SBK1: variants seen among roughly 807,000 people sequenced by gnomAD.
The protein encoded by SBK1 is serine/threonine-protein kinase SBK1.
SBK1 carries 11 observed loss-of-function variants against 24.4 expected under a neutral mutation model. The observed-to-expected ratio is 0.45, with a 90% CI of 0.28 to 0.75. SBK1 has a LOEUF of 0.75. Among genes scored for constraint, SBK1 ranks in the 30% least tolerant of loss-of-function variants. The pLI is 0.12. For synonymous variants in SBK1, 308 were observed against 284.4 expected (o/e 1.08, Z -0.83); for missense variants, 467 against 620.5 (o/e 0.75, Z 2.63).
chr16:28,322,884 C>CTCTA lies in SBK1; in HGVS notation c.*1963_*1964insTCTA, dbSNP rs1567682801. On this transcript the variant is annotated 3_prime_UTR_variant, in exon 4 of 4. Coordinates refer to ENST00000341901, the MANE Select transcript of SBK1 (RefSeq NM_001024401.3). ...CTAGGAATCGAGATTCCACAGTAGACGTCCCTTGCCGTGCTCGCTCTCTCT... is the reference window on the plus strand; with the variant it reads ...CTAGGAATCGAGATTCCACAGTAGACTCTAGTCCCTTGCCGTGCTCGCTCTCTCT... 1 of 148,314 alleles carries CTCTA rather than the reference C, an allele frequency of 6.7e-6. No individual in the cohort carries two copies. The highest frequency in any genetic ancestry group is 2.5e-5 in the African/African-American group (1 of 39,816). 9.2% of individuals were successfully genotyped at this position (148,314 alleles called of 1,614,324 possible). A position where few individuals can be genotyped will look rare whatever the true frequency, so the allele number is the denominator to read the frequency against.
upstream of SBK1, among the ~76,000 whole-genome samples, chr16:28,288,838 G>A (rs2044582225): frequency 6.6e-6 from 1 of 152,200 alleles, no homozygotes; most frequent in South Asian, 2.1e-4. Context: ...CCCGGCCACA[G>A]CTTAAATTTA....
At chr16:28,275,569 C>A (rs1028369956) in intron 1 of SBK1, among the ~76,000 whole-genome samples, 1 of 151,730 alleles carries the variant, frequency 6.6e-6, no homozygotes, top group African/African-American at 2.4e-5. Context: ...TTGGTGCCCA[C>A]AAGAAAGTCC....
chr16:28,307,662 C>T (rs771461237), intron 1 of SBK1, among the ~76,000 whole-genome samples: 7 of 150,836 alleles, frequency 4.6e-5, no homozygotes, highest in Non-Finnish European at 7.4e-5. Flanking sequence ...ATCGCTTGAA[C>T]CCGGGAGACA....
At chr16:28,265,808 T>C (rs780802511) in intron 1 of SBK1, among the ~76,000 whole-genome samples, 8 of 151,480 alleles carry the variant, frequency 5.3e-5, no homozygotes, top group Non-Finnish European at 1.2e-4. Flanking sequence ...ACCCTATCTC[T>C]ACTAAAAATA....
intron 1 of SBK1, among the ~76,000 whole-genome samples, chr16:28,282,452 C>A (rs1261499421): frequency 6.6e-6 from 1 of 152,092 alleles, no homozygotes; most frequent in Non-Finnish European, 1.5e-5. Context: ...TCCGGGAAGC[C>A]CCCGAACTTT....
rs978254180 is a variant in SBK1 at position 28,317,343 on chromosome 16, T to C, written c.-7-42T>C. On this transcript the variant is annotated intron_variant, in intron 1 of 3. Transcript: ENST00000341901. This position sits in a 1 kb window ranked among gnomAD's most constrained non-coding sequence, Gnocchi z 4.2. ...CAGAGGGGCTGGAGGAGGGGACCCT[T>C]GCCTGATGTCACACTTCATGCTCAC... The C allele has an allele frequency of 2.0e-5, 30 of 1,503,134 alleles. No homozygotes were observed. Among genetic ancestry groups the C allele is most frequent in the Non-Finnish European group, 2.7e-5 (29 of 1,082,342 alleles). The allele number at this position is 1,503,134 out of a possible 1,614,324, so 93.1% of individuals were successfully genotyped here. A position where few individuals can be genotyped will look rare whatever the true frequency, so the allele number is the denominator to read the frequency against.
chr16:28,307,854 G>A (rs2044728081), intron 1 of SBK1, among the ~76,000 whole-genome samples: 1 of 152,152 alleles, frequency 6.6e-6, no homozygotes, highest in Admixed American at 6.5e-5. Context: ...GTAAAATGGG[G>A]ATAGCGACGG....
At chr16:28,280,149 A>ATATATATATATATATGTGTGTGTGTG (rs1230385223) in intron 1 of SBK1, among the ~76,000 whole-genome samples, 1 of 39,418 alleles carries the variant, frequency 2.5e-5, no homozygotes, top group African/African-American at 8.2e-5. Context: ...ATATATATAT[A>ATATATATATATATATGTGTGTGTGTG]TGTGTGTGTG....
chr16:28,315,965 C>T (rs2141590120), intron 1 of SBK1, among the ~76,000 whole-genome samples: 1 of 152,236 alleles, frequency 6.6e-6, no homozygotes, highest in East Asian at 1.9e-4. Context: ...AGGGTTCCGC[C>T]ACATTGACCA....
At position 28,292,656 on chromosome 16, in the gene SBK1, A is replaced by C; in HGVS notation, c.-652A>C. 1 of 983,016 alleles carries C rather than the reference A, an allele frequency of 1.0e-6. No individual in the cohort carries two copies. The highest frequency in any genetic ancestry group is 1.2e-6 in the Non-Finnish European group (1 of 829,030). The allele number at this position is 983,016 out of a possible 1,614,324, so 60.9% of individuals were successfully genotyped here. A position where few individuals can be genotyped will look rare whatever the true frequency, so the allele number is the denominator to read the frequency against. The stretch of plus-strand genomic sequence containing the variant: ...GGGAGCGCAGGGCCGGGCTGCTCGT[A>C]GCGGCGGCGACCGAGCCCCCCAGCG... On this transcript the variant is annotated 5_prime_UTR_variant, in exon 1 of 4. It removes the in-frame stop codon of an upstream open reading frame in the 5' UTR. Coordinates refer to ENST00000341901, the MANE Select transcript of SBK1 (RefSeq NM_001024401.3).
At position 28,282,927 on chromosome 16, in the gene SBK1, ATTTG is replaced by A. The variant is rs71140963; in HGVS notation, c.257+23445_257+23448del. 8.4e-3 allele frequency among the ~76,000 whole-genome samples: 1,229 copies of A among 147,028 alleles called. 20 individuals are homozygous for A. Among genetic ancestry groups the A allele is most frequent in the African/African-American group, 0.03 (1,142 of 38,314 alleles). On this transcript the variant is annotated intron_variant, in intron 1 of 3. Coordinates refer to the SBK1 transcript ENST00000671413. Reference sequence around the variant, plus strand: ...CGCATTTTTATTTATTTATTTATTTATTTGTTTGTTTGTTTGTTTGTTTAGAGAC... The same window carrying A: ...CGCATTTTTATTTATTTATTTATTTATTTGTTTGTTTGTTTGTTTAGAGAC...
At chr16:28,302,961 T>TG (rs57035524) in intron 1 of SBK1, among the ~76,000 whole-genome samples, 11,218 of 146,066 alleles carry the variant, frequency 0.077, 513 homozygotes, top group Admixed American at 0.12. Flanking sequence ...GAGCAGGGCA[T>TG]GGGGGGGGGT....
intron 1 of SBK1, among the ~76,000 whole-genome samples, chr16:28,281,500 G>A (rs1190064821): frequency 1.3e-5 from 2 of 152,154 alleles, no homozygotes. Context: ...GATGGAGAGA[G>A]GGATGGAATC....
upstream of SBK1, among the ~76,000 whole-genome samples, chr16:28,288,388 G>A (rs2044579374): frequency 1.3e-5 from 2 of 152,142 alleles, no homozygotes; most frequent in Non-Finnish European, 2.9e-5. Context: ...TTTCAGGGCC[G>A]TCACCTTCCA....
At chr16:28,262,652 G>A (rs116759520) in intron 1 of SBK1, among the ~76,000 whole-genome samples, 4 of 152,284 alleles carry the variant, frequency 2.6e-5, no homozygotes, top group African/African-American at 7.2e-5. Context: ...CTGTGCCCTC[G>A]GCTTCTGTTG....
At position 28,321,782 on chromosome 16, in the gene SBK1, C is replaced by G. The variant is rs1168580600; in HGVS notation, c.*861C>G. 2 of 152,374 alleles carry G rather than the reference C, an allele frequency of 1.3e-5. No individual in the cohort carries two copies. The highest frequency in any genetic ancestry group is 4.8e-5 in the African/African-American group (2 of 41,424). The allele number at this position is 152,374 out of a possible 1,614,324, so 9.4% of individuals were successfully genotyped here. A position where few individuals can be genotyped will look rare whatever the true frequency, so the allele number is the denominator to read the frequency against. Reference sequence around the variant, plus strand: ...ACAGGGCAGGGGTCTCAGCTGCCCCCATCCTTAGGGCAGGGGAGTTAGTGT... The same window carrying G: ...ACAGGGCAGGGGTCTCAGCTGCCCCGATCCTTAGGGCAGGGGAGTTAGTGT... On this transcript the variant is annotated 3_prime_UTR_variant, in exon 4 of 4. Coordinates refer to ENST00000341901, the MANE Select transcript of SBK1 (RefSeq NM_001024401.3).
chr16:28,311,166 TG>T (rs2044752237), intron 1 of SBK1, among the ~76,000 whole-genome samples: 1 of 151,898 alleles, frequency 6.6e-6, no homozygotes, highest in African/African-American at 2.4e-5. Flanking sequence ...AGGAGAGGGG[TG>T]AATCCGATCC....
At chr16:28,270,669 C>T (rs1275950421) in intron 1 of SBK1, among the ~76,000 whole-genome samples, 2 of 151,682 alleles carry the variant, frequency 1.3e-5, no homozygotes, top group East Asian at 3.9e-4. Flanking sequence ...GTGATCCTCC[C>T]ATTTCAGCCT....
chr16:28,301,570 G>T, intron 1 of SBK1, among the ~76,000 whole-genome samples: 1 of 152,368 alleles, frequency 6.6e-6, no homozygotes, highest in African/African-American at 2.4e-5. Flanking sequence ...GGCTCCTCAT[G>T]TGGGAAGTGG....
Sources: allele counts gnomAD v4.1 joint callset (sites outside exome capture counted in the v4.1 genomes callset), GRCh38; gene constraint gnomAD v4.1.1; non-coding constraint Gnocchi (gnomAD v3.1); transcripts MANE v1.5; gene names NCBI Gene and HGNC (gene_info 2026-07-23, HGNC 2026-07-21).